The following RBFOX1 variants were observed in gnomAD, a reference collection of about 807,000 sequenced individuals.
RBFOX1 encodes RNA binding fox-1 homolog 1, also known as RNA binding protein fox-1 homolog 1.
In RBFOX1, 8 loss-of-function variants were observed where a neutral mutation model predicts 57.7. The observed-to-expected ratio is 0.14, with a 90% CI of 0.08 to 0.25. The LOEUF (loss-of-function observed/expected upper bound fraction) is 0.25. Ranked by LOEUF, RBFOX1 falls within the 10% of genes least tolerant of loss-of-function variation. The pLI is 1.00. For missense variants in RBFOX1, 611 were observed against 548.5 expected (o/e 1.11, Z -1.14); for synonymous variants, 326 against 222.4 (o/e 1.47, Z -4.15).
chr16:5,460,803 C>G (rs1452433718), intron 1 of RBFOX1, among the ~76,000 whole-genome samples: 1 of 152,136 alleles, frequency 6.6e-6, no homozygotes, highest in East Asian at 1.9e-4. Context: ...GAGGAAGGCA[C>G]AAAGGAAAAG....
chr16:7,584,054 G>A (rs1234993397), intron 6 of RBFOX1, among the ~76,000 whole-genome samples: 2 of 152,210 alleles, frequency 1.3e-5, no homozygotes, highest in Non-Finnish European at 2.9e-5. Flanking sequence ...TGGGGAGACA[G>A]GGCATGGTAC....
intron 3 of RBFOX1, among the ~76,000 whole-genome samples, chr16:6,691,614 C>T (rs1386575978): frequency 6.6e-6 from 1 of 152,160 alleles, no homozygotes; most frequent in Non-Finnish European, 1.5e-5. Flanking sequence ...GAATGTGTGC[C>T]TCCACTGTTT....
chr16:5,735,384 T>G (rs756753880), intron 3 of RBFOX1, among the ~76,000 whole-genome samples: 15 of 152,214 alleles, frequency 9.9e-5, no homozygotes, highest in Non-Finnish European at 1.9e-4. Flanking sequence ...AATTCCGTCC[T>G]CACAGAATGT....
At chr16:7,173,592 C>T (rs1270017043) in intron 4 of RBFOX1, among the ~76,000 whole-genome samples, 1 of 152,054 alleles carries the variant, frequency 6.6e-6, no homozygotes, top group Non-Finnish European at 1.5e-5. Context: ...ACTACTTTTA[C>T]ACTTCAACTG....
At chr16:6,521,913 C>G (rs538879451) in intron 2 of RBFOX1, among the ~76,000 whole-genome samples, 1 of 152,016 alleles carries the variant, frequency 6.6e-6, no homozygotes, top group South Asian at 2.1e-4. Context: ...TTGTTGAATT[C>G]GAGCTAAGGG....
rs141609568 is a variant in RBFOX1 at position 6,389,903 on chromosome 16, T to C, written c.-64+72846T>C. On this transcript the variant is annotated intron_variant, in intron 2 of 15. Coordinates refer to ENST00000550418, the MANE Select transcript of RBFOX1 (RefSeq NM_018723.4). The stretch of plus-strand genomic sequence containing the variant: ...TTTGAGCTACTTATGTGTACTGCCA[T>C]CTGAGTCGCTGTCTCAGCATTTCCA... Among the ~76,000 whole-genome samples, 1,203 of 152,312 alleles carry C rather than the reference T, an allele frequency of 7.9e-3. 18 individuals carry two copies. The highest frequency in any genetic ancestry group is 0.028 in the African/African-American group (1,154 of 41,568).
chr16:6,095,343 A>G (rs1224199124), intron 1 of RBFOX1, among the ~76,000 whole-genome samples: 1 of 152,174 alleles, frequency 6.6e-6, no homozygotes, highest in Non-Finnish European at 1.5e-5. Context: ...CATCTCCCTT[A>G]TTTCTAAGAG....
chr16:6,406,922 A>G (rs1487068104), intron 2 of RBFOX1, among the ~76,000 whole-genome samples: 1 of 152,184 alleles, frequency 6.6e-6, no homozygotes, highest in East Asian at 1.9e-4. Flanking sequence ...GACTACGGAA[A>G]AAACAAAACT....
At chr16:6,243,612 C>G (rs2097551786) in intron 1 of RBFOX1, among the ~76,000 whole-genome samples, 1 of 152,154 alleles carries the variant, frequency 6.6e-6, no homozygotes, top group African/African-American at 2.4e-5. Context: ...GTCAGGTGGA[C>G]CCACCTCAGA....
intron 2 of RBFOX1, among the ~76,000 whole-genome samples, chr16:6,328,553 C>T (rs1445816140): frequency 1.3e-5 from 2 of 152,110 alleles, no homozygotes; most frequent in East Asian, 3.9e-4. Flanking sequence ...ATAAACAAAG[C>T]AGCAGTCCCA....
intron 2 of RBFOX1, among the ~76,000 whole-genome samples, chr16:6,612,408 C>T (rs1194918290): frequency 6.6e-6 from 1 of 152,178 alleles, no homozygotes; most frequent in Non-Finnish European, 1.5e-5. Flanking sequence ...ATCATGTATG[C>T]ATATGTGTGT....
chr16:6,892,066 A>G (rs1021396996), intron 3 of RBFOX1, among the ~76,000 whole-genome samples: 1 of 152,142 alleles, frequency 6.6e-6, no homozygotes. Context: ...TGCCAGGTGG[A>G]TGACATAGAT....
intron 5 of RBFOX1, among the ~76,000 whole-genome samples, chr16:7,519,047 G>C (rs758451022): frequency 9.9e-5 from 15 of 152,084 alleles, no homozygotes; most frequent in African/African-American, 9.7e-5. Flanking sequence ...TAAAGTCTTT[G>C]TGGAATTATA....
chr16:7,246,887 C>G (rs191868226), intron 4 of RBFOX1, among the ~76,000 whole-genome samples: 1 of 152,124 alleles, frequency 6.6e-6, no homozygotes, highest in Non-Finnish European at 1.5e-5. Flanking sequence ...ATCCACGAGA[C>G]AGGAAAGTTA....
intron 2 of RBFOX1, among the ~76,000 whole-genome samples, chr16:6,329,938 C>T (rs994940094): frequency 6.6e-6 from 1 of 151,888 alleles, no homozygotes; most frequent in South Asian, 2.1e-4. Flanking sequence ...GACTCTGTCT[C>T]AAACAAATAA....
chr16:5,466,065 C>T (rs117477509), intron 1 of RBFOX1, among the ~76,000 whole-genome samples: 28 of 152,196 alleles, frequency 1.8e-4, no homozygotes, highest in Middle Eastern at 3.4e-3. Context: ...AAAGGTCTGA[C>T]GTTTTGACAA....
At chr16:5,792,983 C>A (rs1382567298) in intron 3 of RBFOX1, among the ~76,000 whole-genome samples, 2 of 152,188 alleles carry the variant, frequency 1.3e-5, no homozygotes, top group African/African-American at 2.4e-5. Context: ...ATCTTGCTGT[C>A]TCTGGAGTGG....
intron 1 of RBFOX1, among the ~76,000 whole-genome samples, chr16:6,089,075 A>T (rs1172297943): frequency 6.8e-6 from 1 of 146,998 alleles, no homozygotes; most frequent in Non-Finnish European, 1.5e-5. Flanking sequence ...CAAAAAAAAA[A>T]AAAATATATA....
chr16:7,691,273 G>A (rs1464229190), intron 14 of RBFOX1, among the ~76,000 whole-genome samples: 1 of 151,938 alleles, frequency 6.6e-6, no homozygotes, highest in African/African-American at 2.4e-5. Context: ...AAGAGGGTGA[G>A]TTGTCAAAGG....
Sources: gnomAD v4.1 joint callset for allele counts (sites outside exome capture counted in the v4.1 genomes callset) on GRCh38, gnomAD v4.1.1 for gene constraint, MANE v1.5 for transcripts, NCBI Gene and HGNC (gene_info 2026-07-23, HGNC 2026-07-21) for gene names.